The following JAM3 variants were observed in gnomAD, a reference collection of about 807,000 sequenced individuals.
JAM3 encodes the protein junctional adhesion molecule C.
Under a neutral mutation model 39.4 loss-of-function variants are expected in JAM3, and 31 were observed. That is an observed-to-expected ratio of 0.79 (90% CI 0.59 to 1.06). The LOEUF is 1.06. Among genes scored for constraint, JAM3 ranks in the 50% least tolerant of loss-of-function variants. The pLI, the probability that JAM3 is intolerant of heterozygous loss-of-function variation, is 0.00. For synonymous variants in JAM3, 182 were observed against 148.7 expected, an observed-to-expected ratio of 1.22 and a Z score of -1.63; for missense variants, 455 against 391.4, an observed-to-expected ratio of 1.16 and a Z score of -1.37.
chr11:134,072,463 T>G (rs1171172226), intron 1 of JAM3, among the ~76,000 whole-genome samples: 1 of 152,156 alleles, frequency 6.6e-6, no homozygotes, highest in Non-Finnish European at 1.5e-5. Flanking sequence ...CGTGCCACCT[T>G]GCCTGACTAA....
At chr11:134,100,793 C>G (rs979232780) in intron 1 of JAM3, among the ~76,000 whole-genome samples, 20 of 152,334 alleles carry the variant, frequency 1.3e-4, no homozygotes, top group Admixed American at 1.3e-3. Context: ...AAGCCAGAAA[C>G]ACTTGATAAG....
chr11:134,069,141 C>T lies in JAM3; in HGVS notation c.58C>T (p.Leu20=), dbSNP rs1291798339. ...RLCARLPDFF[L]LLLFRGCLIG... is the part of the protein sequence containing the mutation. ...CTGCGCTCGGCTGCCTGACTTCTTC[C>T]TGCTGCTGCTTTTCAGGGGTGAGTT... Residue 20 remains leucine (L), a synonymous_variant, in exon 1 of 9, where the codon CTG becomes TTG. Transcript: ENST00000299106. 1 of 1,612,956 alleles carries T rather than the reference C, an allele frequency of 6.2e-7. No homozygotes were observed. Among genetic ancestry groups the T allele is most frequent in the Non-Finnish European group, 8.5e-7 (1 of 1,179,420 alleles).
At position 134,144,788 on chromosome 11, in the gene JAM3, A is replaced by C. The variant is rs531251030; in HGVS notation, c.410-4A>C. On this transcript the variant is annotated splice_region_variant and splice_polypyrimidine_tract_variant and intron_variant, in intron 4 of 8. Transcript: ENST00000299106. Reference sequence around the variant, plus strand: ...TCTTAAACACCACCCCTTTTTCCCCACAGTGAAGCCAGTGACCCCTGTCTG... The same window carrying C: ...TCTTAAACACCACCCCTTTTTCCCCCCAGTGAAGCCAGTGACCCCTGTCTG... 1.9e-6 allele frequency: 3 copies of C among 1,613,114 alleles called. No homozygotes were observed. The highest frequency in any genetic ancestry group is 1.7e-5 in the Admixed American group (1 of 59,984).
intron 1 of JAM3, among the ~76,000 whole-genome samples, chr11:134,100,599 C>A (rs1468651232): frequency 6.6e-6 from 1 of 152,220 alleles, no homozygotes; most frequent in Non-Finnish European, 1.5e-5. Context: ...CTGTACACCA[C>A]TGAAATCTCA....
intron 1 of JAM3, among the ~76,000 whole-genome samples, chr11:134,095,205 G>A (rs756256932): frequency 6.6e-6 from 1 of 152,212 alleles, no homozygotes; most frequent in Non-Finnish European, 1.5e-5. Flanking sequence ...AATAGGTTTT[G>A]TAACAGAATG....
chr11:134,123,203 T>G lies in JAM3; in HGVS notation c.77-16648T>G, dbSNP rs865877601. Among the ~76,000 whole-genome samples, 3 of 149,848 alleles carry G rather than the reference T, an allele frequency of 2.0e-5. No individual in the cohort carries two copies. The Middle Eastern group carries it at 0.011, about 528-fold the overall frequency. ...ATAATATATCTATATGTCACTGCTT[T>G]TATTTATTTAGTTATTTGTTTGTTT... On this transcript the variant is annotated intron_variant, in intron 1 of 8. Transcript: ENST00000299106.
At chr11:134,109,092 G>A (rs1293378477) in intron 1 of JAM3, among the ~76,000 whole-genome samples, 1 of 152,030 alleles carries the variant, frequency 6.6e-6, no homozygotes. Flanking sequence ...GTGTAGCTGG[G>A]ACTACAGGCA....
At chr11:134,145,878 G>C in intron 5 of JAM3, 68 bp from the exon 6 acceptor site, 1 of 1,028,824 alleles carries the variant, frequency 9.7e-7, no homozygotes, top group Non-Finnish European at 1.5e-6. Context: ...TCTGGACCCA[G>C]CTGGCTGTGC....
At chr11:134,148,495 T>A (rs917528291) in intron 6 of JAM3, 52 bp from the exon 7 acceptor site, 1 of 1,613,550 alleles carries the variant, frequency 6.2e-7, no homozygotes, top group Non-Finnish European at 8.5e-7. Context: ...AGGGCCTTTT[T>A]AAATAACAGA....
At chr11:134,137,328 C>T (rs996710314) in intron 1 of JAM3, among the ~76,000 whole-genome samples, 11 of 152,236 alleles carry the variant, frequency 7.2e-5, no homozygotes, top group Non-Finnish European at 1.6e-4. Flanking sequence ...TCTAGTTCAC[C>T]TGTTGTTACC....
At chr11:134,114,669 G>A (rs566447194) in intron 1 of JAM3, among the ~76,000 whole-genome samples, 4 of 152,270 alleles carry the variant, frequency 2.6e-5, no homozygotes, top group South Asian at 4.1e-4. Flanking sequence ...ATGCCTTTCT[G>A]TACTGATCTC....
At chr11:134,141,346 A>C (rs1469140661) in intron 3 of JAM3, among the ~76,000 whole-genome samples, 1 of 152,070 alleles carries the variant, frequency 6.6e-6, no homozygotes, top group African/African-American at 2.4e-5. Flanking sequence ...GGTGGTGATC[A>C]GGAGAGAATG....
intron 8 of JAM3, 122 bp downstream of exon 8, chr11:134,148,940 C>G (rs1351084233): frequency 6.0e-6 from 6 of 1,002,594 alleles, no homozygotes; most frequent in Non-Finnish European, 9.2e-6. Context: ...CTGAGCTCCT[C>G]AGCCCCTTCA....
chr11:134,134,129 T>G (rs1942817960), intron 1 of JAM3, among the ~76,000 whole-genome samples: 1 of 152,020 alleles, frequency 6.6e-6, no homozygotes, highest in Non-Finnish European at 1.5e-5. Context: ...AAAATGTTTT[T>G]GATGGACTCA....
chr11:134,135,123 T>G (rs1942840533), intron 1 of JAM3, among the ~76,000 whole-genome samples: 1 of 152,198 alleles, frequency 6.6e-6, no homozygotes, highest in African/African-American at 2.4e-5. Context: ...TTTTATAGTT[T>G]TAGCTCTTAA....
chr11:134,101,275 A>G (rs1032024844), intron 1 of JAM3, among the ~76,000 whole-genome samples: 1 of 152,252 alleles, frequency 6.6e-6, no homozygotes, highest in Non-Finnish European at 1.5e-5. Context: ...TTGAATTTAA[A>G]TGTGGGTTTT....
chr11:134,081,850 C>A (rs1941670942), intron 1 of JAM3, among the ~76,000 whole-genome samples: 1 of 152,244 alleles, frequency 6.6e-6, no homozygotes, highest in African/African-American at 2.4e-5. Flanking sequence ...AGACACTGAA[C>A]ACCAGCCCGT....
chr11:134,139,951 C>T, intron 2 of JAM3, 35 bp downstream of exon 2: 1 of 1,474,750 alleles, frequency 6.8e-7, no homozygotes, highest in Non-Finnish European at 9.5e-7. Flanking sequence ...ATAATGGGCA[C>T]CATCTACTGG....
chr11:134,107,340 GGA>G (rs1401757691), intron 1 of JAM3, among the ~76,000 whole-genome samples: 1 of 152,060 alleles, frequency 6.6e-6, no homozygotes, highest in Non-Finnish European at 1.5e-5. Flanking sequence ...TGTGGGGTTG[GGA>G]GAGGGGGGAG....
Sources: allele counts gnomAD v4.1 joint callset (sites outside exome capture counted in the v4.1 genomes callset), GRCh38; gene constraint gnomAD v4.1.1; transcripts MANE v1.5; gene names NCBI Gene and HGNC (gene_info 2026-07-23, HGNC 2026-07-21).